KDM2B: variants seen among roughly 807,000 people sequenced by gnomAD.
KDM2B encodes the protein lysine-specific demethylase 2B.
Under a neutral mutation model 150.0 loss-of-function variants are expected in KDM2B, and 26 were observed. That is an observed-to-expected ratio of 0.17 (90% CI 0.13 to 0.24). KDM2B has a LOEUF of 0.24. Among genes scored for constraint, KDM2B ranks in the 10% least tolerant of loss-of-function variants. KDM2B has a pLI of 1.00. For missense variants in KDM2B, 1,265 were observed against 1,816.9 expected, an observed-to-expected ratio of 0.70 and a Z score of 5.52; for synonymous variants, 734 against 729.5, an observed-to-expected ratio of 1.01 and a Z score of -0.10.
intron 12 of KDM2B, among the ~76,000 whole-genome samples, chr12:121,486,509 G>A (rs1016739432): frequency 4.8e-4 from 72 of 151,350 alleles, no homozygotes; most frequent in African/African-American, 1.6e-3. Flanking sequence ...ATCACAGACC[G>A]GGTGCAGTGG....
chr12:121,471,491 TGCCCAGACTCA>T (rs1238546718), intron 12 of KDM2B, among the ~76,000 whole-genome samples: 2 of 152,164 alleles, frequency 1.3e-5, no homozygotes, highest in Admixed American at 6.5e-5. Context: ...TAAGAGGTTT[TGCCCAGACTCA>T]GCCGTGTCAG....
chr12:121,435,262 C>T (rs902999606), intron 22 of KDM2B, among the ~76,000 whole-genome samples: 4 of 152,154 alleles, frequency 2.6e-5, no homozygotes, highest in Non-Finnish European at 5.9e-5. Flanking sequence ...CCAAAAATGG[C>T]TAAGGTGGTC....
intron 12 of KDM2B, among the ~76,000 whole-genome samples, chr12:121,465,425 G>T (rs1879751555): frequency 1.3e-5 from 2 of 152,114 alleles, no homozygotes; most frequent in Admixed American, 1.3e-4. Flanking sequence ...GTAGAGACAG[G>T]GTTTCACCAT....
chr12:121,449,515 CG>C lies in KDM2B; in HGVS notation c.1959+3604del, dbSNP rs1555291091. ...AATGGGGTTTCCTTCAACCAGCATG[CG>C]CTGTGCCAGGCACCAGAGCTGCAAA... On this transcript the variant is annotated intron_variant, in intron 13 of 22. Transcript: ENST00000377071. Among the ~76,000 whole-genome samples, 3 of 152,226 alleles carry C rather than the reference CG, an allele frequency of 2.0e-5. No individual in the cohort carries two copies. The East Asian group carries it at 5.8e-4, about 29-fold the overall frequency.
At chr12:121,579,046 C>T in intron 1 of KDM2B, 100 bp from the exon 2 acceptor site, 1 of 1,302,400 alleles carries the variant, frequency 7.7e-7, no homozygotes, top group Non-Finnish European at 1.1e-6. Context: ...AGCCGAGCGC[C>T]CCCTGCACCC....
intron 4 of KDM2B, among the ~76,000 whole-genome samples, chr12:121,564,195 C>T (rs568185168): frequency 7.2e-5 from 11 of 152,230 alleles, no homozygotes; most frequent in African/African-American, 2.4e-4. Context: ...CTGTGGCTCA[C>T]GCCTGTAATC....
upstream of KDM2B, chr12:121,581,167 C>G (rs571613750): frequency 7.7e-5 from 32 of 417,744 alleles, no homozygotes; most frequent in South Asian, 8.8e-4. Flanking sequence ...TTTAAAGGTT[C>G]TTGCGCTCGG....
intron 4 of KDM2B, among the ~76,000 whole-genome samples, chr12:121,558,878 A>ACTG (rs1890114794): frequency 6.6e-6 from 1 of 152,150 alleles, no homozygotes; most frequent in Non-Finnish European, 1.5e-5. Context: ...GGCATGAACC[A>ACTG]TGGCACCCAG....
rs1476988706 is a variant in KDM2B, at chr12:121,521,758, G to A, written c.932-658C>T. ...CAGCTTCTCACAGCTGGGAGCCGCA[G>A]TTTTTCATCTCTCCAAACTCCTAGC... On this transcript the variant is annotated intron_variant, in intron 8 of 22. Transcript: ENST00000377071. This position sits in a 1 kb window ranked among gnomAD's most constrained non-coding sequence, Gnocchi z 4.9. Among the ~76,000 whole-genome samples the A allele has an allele frequency of 6.6e-6, 1 of 152,068 alleles. No individual in the cohort carries two copies. The highest frequency in any genetic ancestry group is 1.5e-5 in the Non-Finnish European group (1 of 68,014).
chr12:121,437,901 T>G (rs1381301717), intron 22 of KDM2B, among the ~76,000 whole-genome samples: 1 of 151,684 alleles, frequency 6.6e-6, no homozygotes, highest in African/African-American at 2.4e-5. Flanking sequence ...TTTTTTTTTT[T>G]AAGAAAATCT....
In KDM2B at chr12:121,442,855, A is replaced by G; in HGVS notation, c.2605-19T>C. ...ACCGCCGCTGAGGGCGAGAGCGGAG[A>G]CGCGTCAGCCTCTGGGGCTCAGGGC... On this transcript the variant is annotated intron_variant, in intron 18 of 22. Coordinates refer to ENST00000377071, the MANE Select transcript of KDM2B (RefSeq NM_032590.5). The surrounding 1 kb of genome is among the most constrained non-coding windows in gnomAD (Gnocchi z 7.7). The G allele has an allele frequency of 6.6e-7, 1 of 1,515,544 alleles. No homozygotes were observed. The highest frequency in any genetic ancestry group is 8.8e-7 in the Non-Finnish European group (1 of 1,136,610). The allele number at this position is 1,515,544 out of a possible 1,614,324, so 93.9% of individuals were successfully genotyped here.
chr12:121,578,622 C>A (rs1408816640), intron 2 of KDM2B, among the ~76,000 whole-genome samples, 180 bp downstream of exon 2: 1 of 151,864 alleles, frequency 6.6e-6, no homozygotes, highest in Non-Finnish European at 1.5e-5. Flanking sequence ...GCCCCCCTTA[C>A]TGCCTGCCCT....
rs142417024 is a variant in KDM2B at position 121,504,290 on chromosome 12, G to A, written c.1647+5277C>T. On this transcript the variant is annotated intron_variant, in intron 11 of 22. Transcript: ENST00000377071. ...TTGCCAAAGTCAGTCTCAGACTCCT[G>A]GGCTCAACCAGTCCTCCTGCCTCGG... is the stretch of plus-strand genomic sequence containing the variant. 3.6e-3 allele frequency among the ~76,000 whole-genome samples: 547 copies of A among 152,240 alleles called. 1 individual carries two copies. The highest frequency in any genetic ancestry group is 0.013 in the African/African-American group (522 of 41,534).
At chr12:121,542,188 G>A (rs1190627287) in intron 6 of KDM2B, among the ~76,000 whole-genome samples, 1 of 152,252 alleles carries the variant, frequency 6.6e-6, no homozygotes, top group East Asian at 1.9e-4. Context: ...GGACACTCAA[G>A]CAGACCTATG....
chr12:121,500,898 C>G (rs952221843), intron 11 of KDM2B, among the ~76,000 whole-genome samples: 1 of 152,136 alleles, frequency 6.6e-6, no homozygotes, highest in African/African-American at 2.4e-5. Flanking sequence ...GCAAAGAGTT[C>G]GAGACCAGCC....
At chr12:121,539,970 C>T (rs1484414238) in intron 6 of KDM2B, among the ~76,000 whole-genome samples, 1 of 152,076 alleles carries the variant, frequency 6.6e-6, no homozygotes, top group African/African-American at 2.4e-5. Context: ...GAACTCCTGG[C>T]CTCAAGCAAT....
At chr12:121,528,994 C>T (rs1000748458) in intron 8 of KDM2B, among the ~76,000 whole-genome samples, 1 of 152,174 alleles carries the variant, frequency 6.6e-6, no homozygotes, top group Admixed American at 6.5e-5. Context: ...TTCTATGAAG[C>T]CAGTATCACC....
downstream of KDM2B, among the ~76,000 whole-genome samples, chr12:121,425,319 A>AG (rs1555284095): frequency 6.6e-6 from 1 of 152,114 alleles, no homozygotes; most frequent in East Asian, 1.9e-4. Flanking sequence ...AAAAAAAAAA[A>AG]AAAAAAGAGG....
chr12:121,536,827 A>C (rs1555308810), intron 6 of KDM2B, among the ~76,000 whole-genome samples: 2 of 152,138 alleles, frequency 1.3e-5, no homozygotes. Context: ...AGCAGAGAGG[A>C]GAGGACAGGA....
Sources: gnomAD v4.1 joint callset for allele counts (sites outside exome capture counted in the v4.1 genomes callset) on GRCh38, gnomAD v4.1.1 for gene constraint, Gnocchi (gnomAD v3.1) non-coding constraint, MANE v1.5 for transcripts, NCBI Gene and HGNC (gene_info 2026-07-23, HGNC 2026-07-21) for gene names.